The following ATG4C variants were observed in gnomAD, a reference collection of about 807,000 sequenced individuals.
ATG4C encodes autophagy related 4C cysteine peptidase.
In ATG4C, 56 loss-of-function variants were observed where a neutral mutation model predicts 57.6. The ratio of observed to expected loss-of-function variants is 0.97; its 90% CI spans 0.78 to 1.21. ATG4C has a LOEUF of 1.21. ATG4C is among the 50% of genes most tolerant of loss of function. The probability of loss-of-function intolerance (pLI) is 0.00; values close to 1 mark genes in which losing one functional copy is unlikely to be tolerated. For synonymous variants in ATG4C, 157 were observed against 174.1 expected, an observed-to-expected ratio of 0.90 and a Z score of 0.78; for missense variants, 595 against 529.8, an observed-to-expected ratio of 1.12 and a Z score of -1.21.
chr1:62,816,368 A>G (rs1319205125), intron 3 of ATG4C, among the ~76,000 whole-genome samples: 1 of 152,116 alleles, frequency 6.6e-6, no homozygotes, highest in Non-Finnish European at 1.5e-5. Flanking sequence ...AGTATGTAAA[A>G]CATTTCAGCA....
chr1:62,794,553 A>G (rs1664396822), intron 1 of ATG4C, among the ~76,000 whole-genome samples: 1 of 152,086 alleles, frequency 6.6e-6, no homozygotes, highest in African/African-American at 2.4e-5. Flanking sequence ...CTGAACCTGC[A>G]TGTCCTGCCT....
At chr1:62,827,663 A>T (rs887606335) in intron 6 of ATG4C, among the ~76,000 whole-genome samples, 1 of 152,056 alleles carries the variant, frequency 6.6e-6, no homozygotes, top group African/African-American at 2.4e-5. Context: ...TATTTTTTTT[A>T]AACTTTTATT....
intron 3 of ATG4C, 129 bp downstream of exon 3, chr1:62,805,384 A>G: frequency 4.0e-6 from 5 of 1,248,772 alleles, no homozygotes; most frequent in Non-Finnish European, 5.2e-6. Context: ...CTTATAGCTC[A>G]TAATATATTA....
intron 1 of ATG4C, among the ~76,000 whole-genome samples, chr1:62,794,558 C>T (rs1351563571): frequency 1.3e-5 from 2 of 152,162 alleles, no homozygotes; most frequent in Non-Finnish European, 2.9e-5. Flanking sequence ...CCTGCATGTC[C>T]TGCCTTTATT....
At chr1:62,808,874 A>G (rs1402905552) in intron 3 of ATG4C, among the ~76,000 whole-genome samples, 2 of 152,340 alleles carry the variant, frequency 1.3e-5, no homozygotes, top group Admixed American at 1.3e-4. Flanking sequence ...ATATGTGCTA[A>G]AACTAAATTG....
chr1:62,785,182 ATCT>A (rs1200089528), intron 1 of ATG4C: 7 of 152,230 alleles, frequency 4.6e-5, no homozygotes, highest in South Asian at 2.1e-4. Context: ...CAAGGGAATG[ATCT>A]TCTTGCTTGC....
At chr1:62,851,759 A>AG (rs1666525361) in intron 10 of ATG4C, among the ~76,000 whole-genome samples, 1 of 152,252 alleles carries the variant, frequency 6.6e-6, no homozygotes, top group Non-Finnish European at 1.5e-5. Flanking sequence ...GAAATGAAAA[A>AG]GGAGTGGGAA....
intron 10 of ATG4C, among the ~76,000 whole-genome samples, chr1:62,858,938 A>T (rs1291042794): frequency 6.6e-6 from 1 of 152,180 alleles, no homozygotes; most frequent in Non-Finnish European, 1.5e-5. Flanking sequence ...ACTCTTTTTT[A>T]TATACAGTCA....
chr1:62,823,764 CT>C (rs1286730571), intron 6 of ATG4C, among the ~76,000 whole-genome samples: 3 of 152,160 alleles, frequency 2.0e-5, no homozygotes, highest in Admixed American at 2.0e-4. Flanking sequence ...GTGTCATTAT[CT>C]TTTTTCCCCA....
chr1:62,824,346 A>G (rs1164275064), intron 6 of ATG4C, among the ~76,000 whole-genome samples: 1 of 152,134 alleles, frequency 6.6e-6, no homozygotes, highest in African/African-American at 2.4e-5. Flanking sequence ...CTTTGGTTTC[A>G]ATTGACTATG....
At chr1:62,826,384 C>T (rs1401470498) in intron 6 of ATG4C, among the ~76,000 whole-genome samples, 2 of 151,342 alleles carry the variant, frequency 1.3e-5, no homozygotes, top group African/African-American at 2.4e-5. Context: ...TATAGGCGCC[C>T]GCCACCATGC....
At chr1:62,789,252 CT>C (rs1174795370) in intron 1 of ATG4C, among the ~76,000 whole-genome samples, 1 of 152,116 alleles carries the variant, frequency 6.6e-6, no homozygotes, top group Non-Finnish European at 1.5e-5. Context: ...CCCAAGTATC[CT>C]TTTTTTCAAA....
rs114153940 is a variant in ATG4C at position 62,815,387 on chromosome 1, C to T, written c.161-1188C>T. Among the ~76,000 whole-genome samples the T allele has an allele frequency of 8.4e-3, 1,273 of 152,194 alleles. 37 individuals are homozygous for T. The highest frequency in any genetic ancestry group is 0.029 in the African/African-American group (1,190 of 41,522). On this transcript the variant is annotated intron_variant, in intron 3 of 10. Coordinates refer to ENST00000317868, the MANE Select transcript of ATG4C (RefSeq NM_032852.4). ...AGCCTTACAGTATACTTCACCTTCT[C>T]CCTCTTGGTCTTTATGATATTGTTG...
At chr1:62,801,708 C>G (rs1664669603) in intron 1 of ATG4C, among the ~76,000 whole-genome samples, 1 of 151,612 alleles carries the variant, frequency 6.6e-6, no homozygotes, top group African/African-American at 2.4e-5. Flanking sequence ...CCTGTAATCC[C>G]AGCACTTTGG....
intron 1 of ATG4C, among the ~76,000 whole-genome samples, chr1:62,801,802 C>A (rs189019314): frequency 3.8e-4 from 58 of 151,356 alleles, no homozygotes; most frequent in Non-Finnish European, 7.1e-4. Flanking sequence ...ACTAAAAGTA[C>A]AAAAAATTAG....
chr1:62,788,873 T>C (rs1664174082), intron 1 of ATG4C, among the ~76,000 whole-genome samples: 1 of 152,070 alleles, frequency 6.6e-6, no homozygotes, highest in East Asian at 1.9e-4. Flanking sequence ...TCTTTTTTTT[T>C]CTTTTTTCTT....
At chr1:62,817,223 TAA>T (rs1250045896) in intron 4 of ATG4C, among the ~76,000 whole-genome samples, 2 of 152,214 alleles carry the variant, frequency 1.3e-5, no homozygotes, top group African/African-American at 2.4e-5. Flanking sequence ...TTTAAAATTT[TAA>T]GAGACTTTAC....
chr1:62,801,958 CAAAAAAAAAAAAAAAAAAA>C (rs60298362), intron 1 of ATG4C, among the ~76,000 whole-genome samples: 1 of 51,890 alleles, frequency 1.9e-5, no homozygotes, highest in East Asian at 6.2e-4. Flanking sequence ...ACTCTGTCTC[CAAAAAAAAAAAAAAAAAAA>C]AAAAAAAAGA....
intron 5 of ATG4C, 83 bp from the exon 6 acceptor site, chr1:62,821,056 C>T: frequency 9.3e-7 from 1 of 1,075,322 alleles, no homozygotes; most frequent in Non-Finnish European, 1.3e-6. Context: ...AAACTGCTGG[C>T]ATTTTTTCCT....
Sources: gnomAD v4.1 joint callset for allele counts (sites outside exome capture counted in the v4.1 genomes callset) on GRCh38, gnomAD v4.1.1 for gene constraint, MANE v1.5 for transcripts, NCBI Gene and HGNC (gene_info 2026-07-23, HGNC 2026-07-21) for gene names.